The following XIRP2 variants were observed in gnomAD, a reference collection of about 807,000 sequenced individuals.
XIRP2 encodes the protein xin actin-binding repeat-containing protein 2.
A neutral mutation model predicts 277.0 loss-of-function variants in XIRP2; 236 were observed. That is an observed-to-expected ratio of 0.85 (90% CI 0.77 to 0.95). XIRP2 has a LOEUF of 0.95. XIRP2 is among the 40% of genes least tolerant of loss of function. The pLI is 0.00. For synonymous variants in XIRP2, 1,490 were observed against 1,416.5 expected (o/e 1.05, Z -1.17); for missense variants, 4,640 against 4,157.5 (o/e 1.12, Z -3.19).
chr2:167,031,931 T>C (rs999784437), intron 2 of XIRP2, among the ~76,000 whole-genome samples: 1 of 152,138 alleles, frequency 6.6e-6, no homozygotes, highest in Non-Finnish European at 1.5e-5. Context: ...ATTGACTTTT[T>C]CAACCAAGTT....
intron 2 of XIRP2, among the ~76,000 whole-genome samples, chr2:167,066,374 A>G (rs1689303623): frequency 6.6e-6 from 1 of 151,990 alleles, no homozygotes; most frequent in Non-Finnish European, 1.5e-5. Flanking sequence ...GGTGTACAAA[A>G]AGGTGCTCAG....
intron 3 of XIRP2, among the ~76,000 whole-genome samples, chr2:167,180,474 A>T (rs1692981440): frequency 6.6e-6 from 1 of 152,100 alleles, no homozygotes; most frequent in Admixed American, 6.6e-5. Flanking sequence ...TCTTTTCTGT[A>T]TCAAGTGCCA....
intron 2 of XIRP2, among the ~76,000 whole-genome samples, chr2:167,024,226 G>C (rs371396682): frequency 1.3e-5 from 2 of 152,232 alleles, no homozygotes; most frequent in African/African-American, 4.8e-5. Context: ...TTGTGAATGG[G>C]AGTTCACTCA....
At chr2:167,152,187 C>G (rs933315643) in intron 3 of XIRP2, among the ~76,000 whole-genome samples, 1 of 152,050 alleles carries the variant, frequency 6.6e-6, no homozygotes, top group East Asian at 1.9e-4. Context: ...ACAGCACATG[C>G]AGCAAGTATT....
At chr2:167,230,232 A>G (rs1694713552) in intron 5 of XIRP2, among the ~76,000 whole-genome samples, 2 of 152,146 alleles carry the variant, frequency 1.3e-5, no homozygotes, top group South Asian at 4.1e-4. Flanking sequence ...GTTTAAAAAC[A>G]TTGGGAGAGA....
chr2:166,899,507 T>C (rs1183849629), intron 1 of XIRP2, among the ~76,000 whole-genome samples: 4 of 152,144 alleles, frequency 2.6e-5, no homozygotes, highest in African/African-American at 9.6e-5. Flanking sequence ...CATCATTTCC[T>C]TTGTCATTCA....
intron 2 of XIRP2, among the ~76,000 whole-genome samples, chr2:166,981,953 T>C (rs2105434585): frequency 6.6e-6 from 1 of 152,340 alleles, no homozygotes; most frequent in African/African-American, 2.4e-5. Context: ...AAGTTCAAAG[T>C]ATCCATTAAC....
chr2:166,970,336 A>G (rs927451485), intron 2 of XIRP2, among the ~76,000 whole-genome samples: 4 of 152,116 alleles, frequency 2.6e-5, no homozygotes, highest in African/African-American at 9.6e-5. Context: ...AGCATTGAAA[A>G]TCATTATAAT....
intron 2 of XIRP2, among the ~76,000 whole-genome samples, chr2:167,030,321 G>T (rs2105503032): frequency 6.6e-6 from 1 of 152,086 alleles, no homozygotes; most frequent in African/African-American, 2.4e-5. Context: ...ATTGATTTTA[G>T]ATCTTTCCCG....
chr2:166,977,566 T>A (rs564151952), intron 2 of XIRP2, among the ~76,000 whole-genome samples: 1 of 152,308 alleles, frequency 6.6e-6, no homozygotes, highest in South Asian at 2.1e-4. Context: ...TCACTTTATA[T>A]TTTAGTAATT....
rs1695252272 is a variant in XIRP2 at position 167,246,117 on chromosome 2, T to TGAAATAGGGGATGTTCGAATGGC, written c.4726_4748dup (p.Tyr1585Ter). On this transcript the variant is annotated frameshift_variant, in exon 9 of 11. Coordinates refer to ENST00000409195, the MANE Select transcript of XIRP2 (RefSeq NM_152381.6). LOFTEE classifies it high-confidence loss of function. ...CTCCTGGAATCATCATTGAAGCTGA[T>TGAAATAGGGGATGTTCGAATGGC]GAAATAGGGGATGTTCGAATGGCAA... The TGAAATAGGGGATGTTCGAATGGC allele has an allele frequency of 6.2e-7, 1 of 1,613,528 alleles. No homozygotes were observed. The highest frequency in any genetic ancestry group is 1.3e-5 in the African/African-American group (1 of 74,988).
intron 2 of XIRP2, among the ~76,000 whole-genome samples, chr2:167,119,571 G>A (rs1690995170): frequency 1.3e-5 from 2 of 152,272 alleles, no homozygotes; most frequent in South Asian, 4.1e-4. Context: ...AGTGCTTGAA[G>A]GACAAGCTCT....
chr2:167,008,693 G>A (rs543588907), intron 2 of XIRP2, among the ~76,000 whole-genome samples: 4 of 151,638 alleles, frequency 2.6e-5, no homozygotes, highest in South Asian at 2.1e-4. Flanking sequence ...AACATAAACT[G>A]CTTTAAAAAA....
At chr2:166,981,066 G>T (rs1002273917) in intron 2 of XIRP2, among the ~76,000 whole-genome samples, 1 of 152,002 alleles carries the variant, frequency 6.6e-6, no homozygotes, top group African/African-American at 2.4e-5. Flanking sequence ...ACTTGTATTT[G>T]CAGTATATGT....
rs970516717 is a variant in XIRP2 at position 166,903,850 on chromosome 2, C to T, written c.368C>T (p.Ala123Val). Residue 123 changes from alanine to valine, a missense_variant, in exon 2 of 11, where the codon GCT becomes GTT. Coordinates refer to ENST00000409195, the MANE Select transcript of XIRP2 (RefSeq NM_152381.6). ...ALDELRSVFE[A>V]PKSGNKPAEY... Reference sequence around the variant, plus strand: ...GATGAGCTGAGGAGTGTGTTTGAGGCTCCTAAGAGTGGAAACAAACCAGCT... The same window carrying T: ...GATGAGCTGAGGAGTGTGTTTGAGGTTCCTAAGAGTGGAAACAAACCAGCT... 6.2e-7 allele frequency: 1 copy of T among 1,613,538 alleles called. No individual in the cohort carries two copies. Among genetic ancestry groups the T allele is most frequent in the Non-Finnish European group, 8.5e-7 (1 of 1,179,684 alleles).
intron 7 of XIRP2, 25 bp downstream of exon 7, chr2:167,240,761 C>T (rs1306788456): frequency 6.3e-7 from 1 of 1,590,416 alleles, no homozygotes; most frequent in East Asian, 2.2e-5. Flanking sequence ...TTATTGGTTC[C>T]AATACTCCTT....
rs1307985326 is a variant in XIRP2 at position 167,082,191 on chromosome 2, C to T, written c.409-53718C>T. Among the ~76,000 whole-genome samples, 9 of 150,668 alleles carry T rather than the reference C, an allele frequency of 6.0e-5. No individual in the cohort carries two copies. In the South Asian group the frequency reaches 6.4e-4, roughly 11 times the overall value. On this transcript the variant is annotated intron_variant, in intron 2 of 10. Transcript: ENST00000409195. ...ATTCCCACCTGTGAGTGAGAATATG[C>T]GGTGTTTGGTTTTTTGTTCTTGCGA... is the stretch of plus-strand genomic sequence containing the variant.
chr2:167,159,826 CAT>C (rs1692310712), intron 3 of XIRP2, among the ~76,000 whole-genome samples: 1 of 152,064 alleles, frequency 6.6e-6, no homozygotes, highest in Non-Finnish European at 1.5e-5. Flanking sequence ...GTTTTATTAT[CAT>C]ATATTATTTA....
chr2:167,134,280 A>G (rs919412590), intron 2 of XIRP2, among the ~76,000 whole-genome samples: 13 of 151,424 alleles, frequency 8.6e-5, no homozygotes, highest in African/African-American at 3.1e-4. Flanking sequence ...ACTTATGTAC[A>G]TGTGATATAT....
Sources: allele counts gnomAD v4.1 joint callset (sites outside exome capture counted in the v4.1 genomes callset), GRCh38; gene constraint gnomAD v4.1.1; transcripts MANE v1.5; gene names NCBI Gene and HGNC (gene_info 2026-07-23, HGNC 2026-07-21).